Variants in TASP1 observed in about 807,000 individuals in gnomAD.
The protein encoded by TASP1 is taspase 1, also known as threonine aspartase 1.
Under a neutral mutation model 56.6 loss-of-function variants are expected in TASP1, and 16 were observed. That is an observed-to-expected ratio of 0.28 (90% confidence interval 0.19 to 0.43). The LOEUF (loss-of-function observed/expected upper bound fraction) is 0.43, where lower values mean the gene tolerates loss of function less well. Ranked by LOEUF, TASP1 falls within the 20% of genes least tolerant of loss-of-function variation. The probability of loss-of-function intolerance (pLI) is 1.00; values close to 1 mark genes in which losing one functional copy is unlikely to be tolerated. For synonymous variants in TASP1, 179 were observed against 184.2 expected, an observed-to-expected ratio of 0.97 and a Z score of 0.23; for missense variants, 393 against 511.6, an observed-to-expected ratio of 0.77 and a Z score of 2.24.
chr20:13,354,158 G>A, the TASP1 span, among the ~76,000 whole-genome samples: 1 of 152,018 alleles, frequency 6.6e-6, no homozygotes, highest in East Asian at 1.9e-4. Context: ...CCAGAAAGCA[G>A]AACAAATAAA....
chr20:13,288,780 ACTTTT>A, the TASP1 span: 15 of 1,292,784 alleles, frequency 1.2e-5, no homozygotes, highest in African/African-American at 2.1e-4. Flanking sequence ...AAGATGCACT[ACTTTT>A]CTTTTCTTTT....
At chr20:13,609,067 T>C (rs1052012780) in intron 4 of TASP1, among the ~76,000 whole-genome samples, 2 of 152,184 alleles carry the variant, frequency 1.3e-5, no homozygotes, top group African/African-American at 2.4e-5. Flanking sequence ...ATCTAGACTA[T>C]ATAAAGAGCT....
intron 4 of TASP1, among the ~76,000 whole-genome samples, chr20:13,596,844 A>G (rs994129590): frequency 1.3e-5 from 2 of 152,254 alleles, no homozygotes; most frequent in Non-Finnish European, 2.9e-5. Context: ...AAAATGATAA[A>G]GAAGATATGA....
intron 1 of TASP1, among the ~76,000 whole-genome samples, chr20:13,637,272 C>T (rs1477621645): frequency 6.6e-6 from 1 of 152,106 alleles, no homozygotes; most frequent in South Asian, 2.1e-4. Flanking sequence ...AAAATCAGAA[C>T]CCTTATAACC....
At chr20:13,504,059 C>T (rs780402204) in intron 10 of TASP1, among the ~76,000 whole-genome samples, 6 of 151,778 alleles carry the variant, frequency 4.0e-5, no homozygotes, top group Non-Finnish European at 5.9e-5. Context: ...TTAAAAACTA[C>T]TCAAATCTGG....
At chr20:13,324,799 C>T in the TASP1 span, among the ~76,000 whole-genome samples, 1 of 152,166 alleles carries the variant, frequency 6.6e-6, no homozygotes, top group African/African-American at 2.4e-5. Context: ...TTAGATATTA[C>T]ATACATTTGA....
At chr20:13,232,887 T>G in the TASP1 span, among the ~76,000 whole-genome samples, 1 of 152,178 alleles carries the variant, frequency 6.6e-6, no homozygotes, top group Non-Finnish European at 1.5e-5. Context: ...ACTGTCTCCT[T>G]AGAAGGAATT....
At chr20:13,120,276 T>C in the TASP1 span, among the ~76,000 whole-genome samples, 2 of 152,184 alleles carry the variant, frequency 1.3e-5, no homozygotes, top group African/African-American at 4.8e-5. Context: ...TCCCAGATAC[T>C]TCCCGTATAT....
chr20:13,492,852 G>C (rs369487474), intron 10 of TASP1, among the ~76,000 whole-genome samples: 1 of 151,882 alleles, frequency 6.6e-6, no homozygotes, highest in African/African-American at 2.4e-5. Flanking sequence ...TACAAAGTAG[G>C]GTGTGATTGA....
At chr20:13,587,708 G>GA (rs768917883) in intron 4 of TASP1, among the ~76,000 whole-genome samples, 4 of 149,812 alleles carry the variant, frequency 2.7e-5, no homozygotes, top group East Asian at 3.9e-4. Flanking sequence ...AAAATACAGG[G>GA]AAAAAAACAT....
intron 8 of TASP1, among the ~76,000 whole-genome samples, chr20:13,540,043 C>A (rs1401081214): frequency 6.6e-6 from 1 of 152,112 alleles, no homozygotes; most frequent in African/African-American, 2.4e-5. Context: ...AGCTTTAAAT[C>A]ATTTCTATTC....
chr20:13,613,087 T>C (rs1420358884), intron 4 of TASP1, among the ~76,000 whole-genome samples: 1 of 152,200 alleles, frequency 6.6e-6, no homozygotes, highest in African/African-American at 2.4e-5. Context: ...TAAATTTAAC[T>C]GTGTTAACCT....
rs2043429267 is a variant in TASP1 at position 13,446,805 on chromosome 20, T to C, written c.986-11651A>G. 2.6e-5 allele frequency among the ~76,000 whole-genome samples: 4 copies of C among 152,210 alleles called. No individual in the cohort carries two copies. In the South Asian group the frequency reaches 8.3e-4, roughly 31 times the overall value. On this transcript the variant is annotated intron_variant, in intron 11 of 13. Coordinates refer to ENST00000337743, the MANE Select transcript of TASP1 (RefSeq NM_017714.3). ...CATGTCATATAAACTATTCTCAATC[T>C]GACTTTTTAAATTCAACAATATAAC...
At chr20:13,379,770 G>T in the TASP1 span, among the ~76,000 whole-genome samples, 2 of 151,932 alleles carry the variant, frequency 1.3e-5, no homozygotes, top group Non-Finnish European at 2.9e-5. Context: ...GGCTTTGTTT[G>T]TTCCTTTTCA....
intron 10 of TASP1, among the ~76,000 whole-genome samples, chr20:13,495,486 A>C (rs1238127794): frequency 6.6e-6 from 1 of 152,202 alleles, no homozygotes; most frequent in Non-Finnish European, 1.5e-5. Context: ...AGAAAATAGT[A>C]TTCATATTTT....
intron 11 of TASP1, among the ~76,000 whole-genome samples, chr20:13,439,660 A>G (rs973767613): frequency 1.3e-5 from 2 of 152,196 alleles, no homozygotes; most frequent in Non-Finnish European, 2.9e-5. Context: ...GTATAATTAA[A>G]AAAGAAAAAA....
the TASP1 span, among the ~76,000 whole-genome samples, chr20:13,268,121 C>CTTCTCTTCTCTTCTCTTCTCTTCTT: frequency 1.7e-5 from 2 of 119,346 alleles, no homozygotes; most frequent in Non-Finnish European, 3.5e-5. Flanking sequence ...CCTGTCTTCT[C>CTTCTCTTCTCTTCTCTTCTCTTCTT]TTCTCTTCTC....
the TASP1 span, among the ~76,000 whole-genome samples, chr20:13,141,260 C>T: frequency 3.3e-5 from 5 of 152,200 alleles, no homozygotes; most frequent in African/African-American, 9.6e-5. Flanking sequence ...CTACACTATC[C>T]ATTCACATCC....
At chr20:13,598,385 T>A (rs1032371978) in intron 4 of TASP1, among the ~76,000 whole-genome samples, 12 of 152,176 alleles carry the variant, frequency 7.9e-5, no homozygotes, top group East Asian at 1.9e-4. Context: ...ACTACACATC[T>A]ACAACCATCT....
Sources: allele counts gnomAD v4.1 joint callset (sites outside exome capture counted in the v4.1 genomes callset), GRCh38; gene constraint gnomAD v4.1.1; transcripts MANE v1.5; gene names NCBI Gene and HGNC (gene_info 2026-07-23, HGNC 2026-07-21).